ACTBL2: variants seen among roughly 807,000 people sequenced by gnomAD.
ACTBL2 encodes the protein actin beta like 2.
A neutral mutation model predicts 23.2 loss-of-function variants in ACTBL2; 29 were observed. The observed-to-expected ratio is 1.25, with a 90% confidence interval of 0.93 to 1.71. ACTBL2 has a LOEUF of 1.71. Ranked by LOEUF, ACTBL2 falls within the 40% of genes most tolerant of loss-of-function variation. The pLI is 0.00. For missense variants in ACTBL2, 524 were observed against 486.2 expected, an observed-to-expected ratio of 1.08 and a Z score of -0.73; for synonymous variants, 173 against 182.1, an observed-to-expected ratio of 0.95 and a Z score of 0.40.
rs1745168449 is a variant in ACTBL2 at position 57,481,957 on chromosome 5, T to A, written c.751A>T (p.Ile251Phe). ...GGGCATCGGAAGCGTTCATTCCCAA[T>A]GGTGATCACCTGCCCATCAGGAAGT... is the stretch of plus-strand genomic sequence containing the variant. The part of the protein sequence containing the change: ...YELPDGQVIT[I>F]GNERFRCPEA... Residue 251 changes from isoleucine to phenylalanine, a missense_variant, in exon 1 of 1, where the codon ATT becomes TTT. By Grantham distance (21) the Ile-to-Phe change is conservative. Transcript: ENST00000423391. The A allele has an allele frequency of 6.2e-7, 1 of 1,614,074 alleles. No individual in the cohort carries two copies.
Position 57,482,324 on chromosome 5 carries a change from G to C in ACTBL2, c.384C>G (p.Phe128Leu), listed in dbSNP as rs1745179084. ...TGGCGACATACATGGCTGGTGTGTT[G>C]AAAGCCTCGAACATGATCTGAGTCA... ...EKMTQIMFEA[F>L]NTPAMYVAIQ... Residue 128 changes from phenylalanine (F) to leucine (L), a missense_variant, in exon 1 of 1, where the codon TTC becomes TTG. Transcript: ENST00000423391. 6.2e-7 allele frequency: 1 copy of C among 1,613,994 alleles called. No homozygotes were observed. Among genetic ancestry groups the C allele is most frequent in the Non-Finnish European group, 8.5e-7 (1 of 1,180,044 alleles).
In ACTBL2 at chr5:57,482,389, T is replaced by A. The variant is rs762676574; in HGVS notation, c.319A>T (p.Thr107Ser). The change falls in exon 1 of 1, where the codon ACC becomes TCC. Residue 107 changes from threonine to serine, a missense_variant. Physicochemically the swap from Thr to Ser is moderately conservative, Grantham distance 58 (BLOSUM62 1). Transcript: ENST00000423391. Reference protein sequence around the residue: ...VAPDEHPILLTEAPLNPKINR... With the variant: ...VAPDEHPILLSEAPLNPKINR... ...ATCTTGGGGTTCAGGGGTGCCTCGG[T>A]GAGGAGGATGGGATGCTCATCTGGT... 4.3e-6 allele frequency: 7 copies of A among 1,613,950 alleles called. No individual in the cohort carries two copies. In the East Asian group the frequency reaches 1.1e-4, roughly 26 times the overall value.
chr5:57,481,839 A>C lies in ACTBL2; in HGVS notation c.869T>G (p.Ile290Ser). ...FNSIMKCDVD[I>S]RKDLYANTVL... ...GGTGTTGGCATAGAGATCCTTGCGA[A>C]TATCCACATCGCACTTCATGATAGA... Residue 290 changes from isoleucine to serine, a missense_variant, in exon 1 of 1, where the codon ATT (isoleucine) becomes AGT (serine). By Grantham distance (142) the Ile-to-Ser change is moderately radical. Transcript: ENST00000423391. The C allele has an allele frequency of 6.2e-7, 1 of 1,614,104 alleles. No individual in the cohort carries two copies. The highest frequency in any genetic ancestry group is 8.5e-7 in the Non-Finnish European group (1 of 1,180,036).
chr5:57,481,481 G>C lies in ACTBL2; in HGVS notation c.*96C>G, dbSNP rs915678921. On this transcript the variant is annotated 3_prime_UTR_variant, in exon 1 of 1. Coordinates refer to ENST00000423391, the MANE Select transcript of ACTBL2 (RefSeq NM_001017992.4). Reference sequence around the variant, plus strand: ...GCTGGTTTACACTAGGAAGAGTGACGTATTTACCTCGATTCTACTGAAAGC... The same window carrying C: ...GCTGGTTTACACTAGGAAGAGTGACCTATTTACCTCGATTCTACTGAAAGC... The C allele has an allele frequency of 4.2e-6, 6 of 1,438,934 alleles. No individual in the cohort carries two copies. Among genetic ancestry groups the C allele is most frequent in the Non-Finnish European group, 5.7e-6 (6 of 1,061,936 alleles). 89.1% of individuals were successfully genotyped at this position (1,438,934 alleles called of 1,614,324 possible).
Position 57,482,579 on chromosome 5 carries a change from G to T in ACTBL2, c.129C>A (p.Gly43=), listed in dbSNP as rs766613102. The change falls in exon 1 of 1, where the codon GGC becomes GGA. Residue 43 remains glycine (G), a synonymous_variant. Transcript: ENST00000423391. ...PSMIGRPRHQ[G]VMVGMGQKDC... is the part of the protein sequence containing the mutation. ...CCTTCTGGCCCATGCCTACCATAAC[G>T]CCCTGGTGTCGAGGACGCCCTATCA... 23 of 1,613,978 alleles carry T rather than the reference G, an allele frequency of 1.4e-5. No individual in the cohort carries two copies. The highest frequency in any genetic ancestry group is 1.7e-5 in the Non-Finnish European group (20 of 1,180,008).
chr5:57,482,723 C>T lies in ACTBL2; in HGVS notation c.-16G>A. The T allele has an allele frequency of 6.2e-7, 1 of 1,611,096 alleles. No individual in the cohort carries two copies. The highest frequency in any genetic ancestry group is 8.5e-7 in the Non-Finnish European group (1 of 1,178,004). On this transcript the variant is annotated 5_prime_UTR_variant, in exon 1 of 1. Transcript: ENST00000423391. ...TGTCAGTCATGGTGCTGGCTGAGAT[C>T]TTCCAGACGAGTGAACAGGACAAGT...
At position 57,481,563 on chromosome 5, in the gene ACTBL2, A is replaced by G. The variant is rs374369299; in HGVS notation, c.*14T>C. The G allele has an allele frequency of 3.6e-5, 57 of 1,605,630 alleles. No homozygotes were observed. The highest frequency in any genetic ancestry group is 4.7e-5 in the Non-Finnish European group (55 of 1,176,044). On this transcript the variant is annotated 3_prime_UTR_variant, in exon 1 of 1. Coordinates refer to ENST00000423391, the MANE Select transcript of ACTBL2 (RefSeq NM_001017992.4). ...GAAAAGGGAAAATGTAAGCCCACTA[A>G]TATGGAAGCCCATTCAGAAACATTT...
Position 57,481,525 on chromosome 5 carries a change from C to A in ACTBL2, c.*52G>T. 1 of 1,567,842 alleles carries A rather than the reference C, an allele frequency of 6.4e-7. No homozygotes were observed. Among genetic ancestry groups the A allele is most frequent in the Non-Finnish European group, 8.7e-7 (1 of 1,155,814 alleles). ...TGAAAGCGGATAAAAGCAGTACCAT[C>A]ACTGTGACCTAGGAAAAGGGAAAAT... is the stretch of plus-strand genomic sequence containing the variant. On this transcript the variant is annotated 3_prime_UTR_variant, in exon 1 of 1. Transcript: ENST00000423391.
At position 57,481,578 on chromosome 5, in the gene ACTBL2, C is replaced by A. The variant is rs888937304; in HGVS notation, c.1130G>T (p.Ter377LeuextTer27). Reference protein sequence around the residue: ...GPPIVHRKCF* With the variant: ...GPPIVHRKCFL ...AAGCCCACTAATATGGAAGCCCATT[C>A]AGAAACATTTTCTGTGAACGATAGG... The change falls in exon 1 of 1, where the codon TGA (stop) becomes TTA (leucine). Residue 377 changes from the stop codon to leucine, a stop_lost. Coordinates refer to ENST00000423391, the MANE Select transcript of ACTBL2 (RefSeq NM_001017992.4). 1 of 1,609,030 alleles carries A rather than the reference C, an allele frequency of 6.2e-7. No homozygotes were observed. The highest frequency in any genetic ancestry group is 1.3e-5 in the African/African-American group (1 of 74,742).
At position 57,482,595 on chromosome 5, in the gene ACTBL2, C is replaced by T. The variant is rs765705222; in HGVS notation, c.113G>A (p.Arg38His). 32 of 1,613,926 alleles carry T rather than the reference C, an allele frequency of 2.0e-5. No homozygotes were observed. The highest frequency in any genetic ancestry group is 4.5e-5 in the East Asian group (2 of 44,866). The change falls in exon 1 of 1, where the codon CGT becomes CAT. Residue 38 changes from arginine (R) to histidine (H), a missense_variant. Transcript: ENST00000423391. ...TACCATAACGCCCTGGTGTCGAGGA[C>T]GCCCTATCATGGAGGGGAACACAGC... The part of the protein sequence containing the change: ...PRAVFPSMIG[R>H]PRHQGVMVGM...
chr5:57,481,347 A>G lies in ACTBL2; in HGVS notation c.*230T>C, dbSNP rs1007386253. The G allele has an allele frequency of 3.6e-6, 2 of 548,592 alleles. No individual in the cohort carries two copies. Among genetic ancestry groups the G allele is most frequent in the South Asian group, 2.5e-5 (1 of 40,500 alleles). 34.0% of individuals were successfully genotyped at this position (548,592 alleles called of 1,614,324 possible). A position where few individuals can be genotyped will look rare whatever the true frequency, so the allele number is the denominator to read the frequency against. On this transcript the variant is annotated 3_prime_UTR_variant, in exon 1 of 1. Coordinates refer to ENST00000423391, the MANE Select transcript of ACTBL2 (RefSeq NM_001017992.4). ...GCTGGCCTACCTATCTTTGAACAGTATAGGCAAAGAAAAAGGAATATGGTA... is the reference window on the plus strand; with the variant it reads ...GCTGGCCTACCTATCTTTGAACAGTGTAGGCAAAGAAAAAGGAATATGGTA...
rs1745183376 is a variant in ACTBL2, at chr5:57,482,410, C to G, written c.298G>C (p.Asp100His). 6.2e-7 allele frequency: 1 copy of G among 1,614,154 alleles called. No individual in the cohort carries two copies. Reference sequence around the variant, plus strand: ...TCGGTGAGGAGGATGGGATGCTCATCTGGTGCCACACGGAGCTCATTGTAG... The same window carrying G: ...TCGGTGAGGAGGATGGGATGCTCATGTGGTGCCACACGGAGCTCATTGTAG... ...TFYNELRVAPDEHPILLTEAP... is the reference protein window; with the variant it reads ...TFYNELRVAPHEHPILLTEAP... The change falls in exon 1 of 1, where the codon GAT becomes CAT. Residue 100 changes from aspartate (D) to histidine (H), a missense_variant. Asp to His is a moderately conservative substitution (Grantham distance 81, BLOSUM62 -1). Coordinates refer to ENST00000423391, the MANE Select transcript of ACTBL2 (RefSeq NM_001017992.4).
rs377490167 is a variant in ACTBL2 at position 57,481,529 on chromosome 5, G to A, written c.*48C>T. 252 of 1,573,556 alleles carry A rather than the reference G, an allele frequency of 1.6e-4. No homozygotes were observed. Among genetic ancestry groups the A allele is most frequent in the Middle Eastern group, 4.7e-4 (2 of 4,270 alleles). On this transcript the variant is annotated 3_prime_UTR_variant, in exon 1 of 1. Transcript: ENST00000423391. ...AGCGGATAAAAGCAGTACCATCACT[G>A]TGACCTAGGAAAAGGGAAAATGTAA...
Position 57,480,749 on chromosome 5 carries a change from TA to T in ACTBL2, c.*827del, listed in dbSNP as rs1403689927. 6.6e-6 allele frequency: 1 copy of T among 152,180 alleles called. No homozygotes were observed. Among genetic ancestry groups the T allele is most frequent in the African/African-American group, 2.4e-5 (1 of 41,458 alleles). 9.4% of individuals were successfully genotyped at this position (152,180 alleles called of 1,614,324 possible). On this transcript the variant is annotated 3_prime_UTR_variant, in exon 1 of 1. Coordinates refer to ENST00000423391, the MANE Select transcript of ACTBL2 (RefSeq NM_001017992.4). The stretch of plus-strand genomic sequence containing the variant: ...AAATTACCTCTGTCAAATTGTACCA[TA>T]ATGACATTAATTTGATATTATAATA...
In ACTBL2 at chr5:57,482,145, T is replaced by A. The variant is rs1437159026; in HGVS notation, c.563A>T (p.Asp188Val). Residue 188 changes from aspartate to valine, a missense_variant, in exon 1 of 1, where the codon GAT becomes GTT. Physicochemically the swap from Asp to Val is radical, Grantham distance 152. Coordinates refer to ENST00000423391, the MANE Select transcript of ACTBL2 (RefSeq NM_001017992.4). ...CTCTGTCAGGATCTTCATGAGGTAA[T>A]CAGTCAGGTCTCTCCCTGCCAGATC... ...RLDLAGRDLTDYLMKILTERG... is the reference protein window; with the variant it reads ...RLDLAGRDLTVYLMKILTERG... 1.2e-6 allele frequency: 2 copies of A among 1,614,058 alleles called. No homozygotes were observed. Among genetic ancestry groups the A allele is most frequent in the Admixed American group, 3.3e-5 (2 of 60,002 alleles).
chr5:57,481,912 A>T lies in ACTBL2; in HGVS notation c.796T>A (p.Ser266Thr). Residue 266 changes from serine (S) to threonine (T), a missense_variant, in exon 1 of 1, where the codon TCC (serine) becomes ACC (threonine). Transcript: ENST00000423391. ...CCACTGGACTCAATGCCCAGAAAGGAAGGCTGGAAAATGGCTTCAGGGCAT... is the reference window on the plus strand; with the variant it reads ...CCACTGGACTCAATGCCCAGAAAGGTAGGCTGGAAAATGGCTTCAGGGCAT... The part of the protein sequence containing the change: ...FRCPEAIFQP[S>T]FLGIESSGIH... The T allele has an allele frequency of 6.2e-7, 1 of 1,614,102 alleles. No homozygotes were observed. The highest frequency in any genetic ancestry group is 1.1e-5 in the South Asian group (1 of 91,042).
chr5:57,481,258 A>T lies in ACTBL2; in HGVS notation c.*319T>A. ...AACTAAGTTTTAAAGCTTGATAATT[A>T]TAGTTATCCATTCTGAAATGACATT... On this transcript the variant is annotated 3_prime_UTR_variant, in exon 1 of 1. Coordinates refer to ENST00000423391, the MANE Select transcript of ACTBL2 (RefSeq NM_001017992.4). The T allele has an allele frequency of 4.4e-6, 1 of 228,006 alleles. No individual in the cohort carries two copies. 14.1% of individuals were successfully genotyped at this position (228,006 alleles called of 1,614,324 possible).
rs200674727 is a variant in ACTBL2 at position 57,482,365 on chromosome 5, T to A, written c.343A>T (p.Ile115Phe). 3.7e-6 allele frequency: 6 copies of A among 1,613,968 alleles called. No homozygotes were observed. In the South Asian group the frequency reaches 6.6e-5, roughly 18 times the overall value. Residue 115 changes from isoleucine (I) to phenylalanine (F), a missense_variant, in exon 1 of 1, where the codon ATC becomes TTC. Transcript: ENST00000423391. ...LLTEAPLNPK[I>F]NREKMTQIMF... ...ATCTGAGTCATCTTTTCCCGGTTGA[T>A]CTTGGGGTTCAGGGGTGCCTCGGTG...
chr5:57,481,992 C>G lies in ACTBL2; in HGVS notation c.716G>C (p.Arg239Pro). ...VRAAASSSPE[R>P]SYELPDGQVI... ...CTGCCCATCAGGAAGTTCATAGCTC[C>G]GTTCCGGTGAGGAGGATGCGGCTGC... The change falls in exon 1 of 1, where the codon CGG (arginine) becomes CCG (proline). Residue 239 changes from arginine (R) to proline (P), a missense_variant. Coordinates refer to ENST00000423391, the MANE Select transcript of ACTBL2 (RefSeq NM_001017992.4). 1 of 1,614,146 alleles carries G rather than the reference C, an allele frequency of 6.2e-7. No individual in the cohort carries two copies. Among genetic ancestry groups the G allele is most frequent in the Non-Finnish European group, 8.5e-7 (1 of 1,180,036 alleles).
Sources: gnomAD v4.1 joint callset for allele counts on GRCh38, gnomAD v4.1.1 for gene constraint, MANE v1.5 for transcripts, NCBI Gene and HGNC (gene_info 2026-07-23, HGNC 2026-07-21) for gene names.